CDH23: variants seen among roughly 807,000 people sequenced by gnomAD.
CDH23 encodes the protein cadherin related 23.
Under a neutral mutation model 317.1 loss-of-function variants are expected in CDH23, and 189 were observed. That is an observed-to-expected ratio of 0.60 (90% CI 0.53 to 0.67). The LOEUF is 0.67. CDH23 is among the 30% of genes least tolerant of loss of function. The pLI is 0.00. For missense variants in CDH23, 4,401 were observed against 4,592.4 expected, an observed-to-expected ratio of 0.96 and a Z score of 1.20; for synonymous variants, 1,839 against 1,876.8, an observed-to-expected ratio of 0.98 and a Z score of 0.52.
Position 71,777,796 on chromosome 10 carries a change from C to T in CDH23, c.4962C>T (p.Leu1654=), listed in dbSNP as rs377372797. 19 of 1,613,870 alleles carry T rather than the reference C, an allele frequency of 1.2e-5. No homozygotes were observed. The highest frequency in any genetic ancestry group is 1.4e-5 in the Non-Finnish European group (17 of 1,179,894). The change falls in exon 39 of 70, where the codon CTC becomes CTT. Residue 1654 remains leucine, a synonymous_variant. Coordinates refer to ENST00000224721, the MANE Select transcript of CDH23 (RefSeq NM_022124.6). Reference sequence around the variant, plus strand: ...GCCCAGACACGCTCAACACCAGCCTCATCACCATCCAGGCACTGGACCTGG... The same window carrying T: ...GCCCAGACACGCTCAACACCAGCCTTATCACCATCCAGGCACTGGACCTGG... The part of the protein sequence containing the change: ...DEGPDTLNTS[L]ITIQALDLDE...
At chr10:71,479,004 G>C (rs1851932304) in intron 3 of CDH23, among the ~76,000 whole-genome samples, 1 of 152,196 alleles carries the variant, frequency 6.6e-6, no homozygotes, top group Non-Finnish European at 1.5e-5. Context: ...GAGGAAGGGA[G>C]TGGCCATTTA....
At chr10:71,602,687 C>T (rs1402490267) in intron 9 of CDH23, among the ~76,000 whole-genome samples, 1 of 152,150 alleles carries the variant, frequency 6.6e-6, no homozygotes, top group African/African-American at 2.4e-5. Context: ...TCCTGCTTAA[C>T]GTCATCCAGT....
In CDH23 at chr10:71,791,142, C is replaced by G. The variant is rs760948801; in HGVS notation, c.6060C>G (p.Thr2020=). 1.2e-6 allele frequency: 2 copies of G among 1,607,948 alleles called. No homozygotes were observed. The highest frequency in any genetic ancestry group is 1.7e-6 in the Non-Finnish European group (2 of 1,177,526). The change falls in exon 47 of 70, where the codon ACC becomes ACG. Residue 2020 remains threonine, a synonymous_variant. Transcript: ENST00000224721. The part of the protein sequence containing the change: ...FDINSSTGVV[T]VRSGVIIDRE... Reference sequence around the variant, plus strand: ...GGCACCGGGTGCCAGGTGTGGTGACCGTGAGGTCAGGTGTCATCATTGACC... The same window carrying G: ...GGCACCGGGTGCCAGGTGTGGTGACGGTGAGGTCAGGTGTCATCATTGACC...
chr10:71,480,413 G>A (rs996039906), intron 3 of CDH23, among the ~76,000 whole-genome samples: 5 of 152,244 alleles, frequency 3.3e-5, no homozygotes, highest in South Asian at 2.1e-4. Context: ...CGGGTCGGAC[G>A]GGGGCTAGAC....
chr10:71,415,032 T>C (rs556797270), intron 1 of CDH23, among the ~76,000 whole-genome samples: 1 of 152,346 alleles, frequency 6.6e-6, no homozygotes, highest in Admixed American at 6.5e-5. Flanking sequence ...TTTTATACTC[T>C]CTATAGAATC....
chr10:71,504,669 C>A (rs1853535163), intron 3 of CDH23, among the ~76,000 whole-genome samples: 1 of 152,212 alleles, frequency 6.6e-6, no homozygotes, highest in Non-Finnish European at 1.5e-5. Flanking sequence ...ACAGAATCCT[C>A]TGCCGCACTG....
rs62622410 is a variant in CDH23, at chr10:71,646,591, G to C, written c.1423G>C (p.Val475Leu). The C allele has an allele frequency of 5.0e-6, 8 of 1,613,854 alleles. No homozygotes were observed. The South Asian group carries it at 6.6e-5, about 13-fold the overall frequency. ...CATCAGCCTGTACGAGAACGTCACC[G>C]TGGGGACCTCTGTGCTGACAGTCCT... ...YNISLYENVT[V>L]GTSVLTVLAT... is the part of the protein sequence containing the mutation. Residue 475 changes from valine to leucine, a missense_variant, in exon 14 of 70, where the codon GTG (valine) becomes CTG (leucine). Physicochemically the swap from Val to Leu is conservative, Grantham distance 32. Coordinates refer to ENST00000224721, the MANE Select transcript of CDH23 (RefSeq NM_022124.6).
chr10:71,574,859 C>A (rs1858070003), intron 8 of CDH23, among the ~76,000 whole-genome samples: 1 of 152,174 alleles, frequency 6.6e-6, no homozygotes, highest in African/African-American at 2.4e-5. Flanking sequence ...GGGTGCAGAG[C>A]CCTGAGCCCT....
intron 6 of CDH23, among the ~76,000 whole-genome samples, chr10:71,537,044 G>A (rs1855743347): frequency 6.6e-6 from 1 of 152,098 alleles, no homozygotes; most frequent in Non-Finnish European, 1.5e-5. Context: ...CACTGGACAG[G>A]ACTGCCACAG....
intron 1 of CDH23, among the ~76,000 whole-genome samples, chr10:71,424,216 C>T (rs1848944567): frequency 6.6e-6 from 1 of 152,200 alleles, no homozygotes; most frequent in African/African-American, 2.4e-5. Context: ...TCGCTCCCCG[C>T]CTGATGGTTC....
At chr10:71,438,347 C>CAAAAAAAAAAAAAAAAAAAAGAAAA (rs10596696) in intron 1 of CDH23, among the ~76,000 whole-genome samples, 1 of 98,360 alleles carries the variant, frequency 1.0e-5, no homozygotes, top group Non-Finnish European at 2.2e-5. Flanking sequence ...CTGTCTCAAA[C>CAAAAAAAAAAAAAAAAAAAAGAAAA]AAAAAAAAAA....
At position 71,812,576 on chromosome 10, in the gene CDH23, C is replaced by A. The variant is rs757612979; in HGVS notation, c.9477C>A (p.Ile3159=). 2 of 1,613,812 alleles carry A rather than the reference C, an allele frequency of 1.2e-6. No individual in the cohort carries two copies. The highest frequency in any genetic ancestry group is 2.2e-5 in the South Asian group (2 of 91,092). ...ACCTACCGGAGAACCTGAGTGAGAT[C>A]GCCGACCTGTGGAACAGCCCCACGC... ...EDDLPENLSE[I]ADLWNSPTRT... Residue 3159 remains isoleucine (I), a synonymous_variant, in exon 67 of 70, where the codon ATC becomes ATA. Transcript: ENST00000224721.
At chr10:71,481,316 G>A (rs1400981754) in intron 3 of CDH23, among the ~76,000 whole-genome samples, 1 of 152,208 alleles carries the variant, frequency 6.6e-6, no homozygotes. Context: ...GCGAAGGGGT[G>A]AAGGCATTAA....
At chr10:71,494,231 A>T (rs7088556) in intron 3 of CDH23, among the ~76,000 whole-genome samples, 96,202 of 152,012 alleles carry the variant, frequency 0.63, 30,911 homozygotes, top group African/African-American at 0.72. Context: ...CCTATCTCTC[A>T]TTTCTGTAAT....
chr10:71,781,837 A>G (rs1301266181), intron 41 of CDH23, among the ~76,000 whole-genome samples: 2 of 152,204 alleles, frequency 1.3e-5, no homozygotes, highest in South Asian at 2.1e-4. Flanking sequence ...CCCGCATCTC[A>G]GAAATGATCA....
At chr10:71,625,871 C>T (rs1339376144) in intron 11 of CDH23, among the ~76,000 whole-genome samples, 1 of 152,192 alleles carries the variant, frequency 6.6e-6, no homozygotes, top group Non-Finnish European at 1.5e-5. Context: ...TTTTCACCAG[C>T]TTCTAAGTGA....
chr10:71,700,787 C>T (rs1349268806), intron 22 of CDH23, among the ~76,000 whole-genome samples: 1 of 152,160 alleles, frequency 6.6e-6, no homozygotes, highest in Non-Finnish European at 1.5e-5. Context: ...CTCTCCCCGG[C>T]CTCCCCAGGA....
At chr10:71,696,898 G>A (rs567269010) in intron 22 of CDH23, among the ~76,000 whole-genome samples, 100 of 152,326 alleles carry the variant, frequency 6.6e-4, no homozygotes, top group African/African-American at 2.1e-3. Flanking sequence ...CTCTGCTGCC[G>A]CCTTGTGGGC....
At chr10:71,584,800 G>T (rs1049388863) in intron 9 of CDH23, among the ~76,000 whole-genome samples, 1 of 152,184 alleles carries the variant, frequency 6.6e-6, no homozygotes, top group Non-Finnish European at 1.5e-5. Flanking sequence ...ACTCTGAATC[G>T]CACACCACAG....
Sources: allele counts gnomAD v4.1 joint callset (sites outside exome capture counted in the v4.1 genomes callset), GRCh38; gene constraint gnomAD v4.1.1; transcripts MANE v1.5; gene names NCBI Gene and HGNC (gene_info 2026-07-23, HGNC 2026-07-21).